JMJD1C: variants seen among roughly 807,000 people sequenced by gnomAD.
JMJD1C encodes the protein jumonji domain containing 1C.
In JMJD1C, 31 loss-of-function variants were observed where a neutral mutation model predicts 245.3. The ratio of observed to expected loss-of-function variants is 0.13; its 90% CI spans 0.09 to 0.17. JMJD1C has a LOEUF of 0.17. Among genes scored for constraint, JMJD1C ranks in the 10% least tolerant of loss-of-function variants. JMJD1C has a pLI of 1.00. For missense variants in JMJD1C, 2,691 were observed against 3,000.2 expected (o/e 0.90, Z 2.41); for synonymous variants, 1,057 against 1,017.4 (o/e 1.04, Z -0.74).
chr10:63,395,306 G>A (rs1295511839), intron 1 of JMJD1C, among the ~76,000 whole-genome samples: 2 of 152,128 alleles, frequency 1.3e-5, no homozygotes, highest in East Asian at 1.9e-4. Context: ...GTGAAACCCC[G>A]TCTCTACTAA....
chr10:63,463,355 C>A (rs1193329169), intron 1 of JMJD1C, among the ~76,000 whole-genome samples: 1 of 152,054 alleles, frequency 6.6e-6, no homozygotes, highest in Non-Finnish European at 1.5e-5. Flanking sequence ...TTTGTAGGGA[C>A]AGGGTTTCGC....
At chr10:63,243,887 T>A (rs1434486547) in intron 3 of JMJD1C, among the ~76,000 whole-genome samples, 1 of 152,100 alleles carries the variant, frequency 6.6e-6, no homozygotes, top group Non-Finnish European at 1.5e-5. Flanking sequence ...GAATCTCACT[T>A]TCTATCTGCA....
In JMJD1C at chr10:63,215,292, T is replaced by C; in HGVS notation, c.986A>G (p.Glu329Gly). Reference sequence around the variant, plus strand: ...TCGTGATATATAATCATATTTTTCCTCCTTCATCTTCTCTTCATCTGGTAT... The same window carrying C: ...TCGTGATATATAATCATATTTTTCCCCCTTCATCTTCTCTTCATCTGGTAT... ...SSIPDEEKMK[E>G]EKYDYISRGE... The change falls in exon 7 of 26, where the codon GAG (glutamate) becomes GGG (glycine). Residue 329 changes from glutamate (E) to glycine (G), a missense_variant. Glu to Gly is a moderately conservative substitution (Grantham distance 98). This residue lies in a region of JMJD1C where 1,562 missense variants were observed against 1,490.7 expected (regional missense o/e 1.05). Transcript: ENST00000399262. 6.2e-7 allele frequency: 1 copy of C among 1,613,954 alleles called. No homozygotes were observed. The highest frequency in any genetic ancestry group is 8.5e-7 in the Non-Finnish European group (1 of 1,179,932).
chr10:63,467,438 C>T (rs1329470374), upstream of JMJD1C, among the ~76,000 whole-genome samples: 1 of 152,118 alleles, frequency 6.6e-6, no homozygotes, highest in Non-Finnish European at 1.5e-5. Context: ...AACCTGGGAG[C>T]TGGAGGTTGC....
intron 1 of JMJD1C, among the ~76,000 whole-genome samples, chr10:63,424,994 C>T (rs1056417896): frequency 6.6e-5 from 10 of 152,306 alleles, no homozygotes; most frequent in African/African-American, 1.9e-4. Context: ...CGCTCACCAA[C>T]TTACCAGCTT....
chr10:63,428,028 A>G, intron 1 of JMJD1C: 1 of 612,718 alleles, frequency 1.6e-6, no homozygotes, highest in South Asian at 1.8e-5. Context: ...CTTTATCATT[A>G]AAAATCAATT....
intron 2 of JMJD1C, among the ~76,000 whole-genome samples, chr10:63,333,537 A>C (rs1942385720): frequency 6.6e-6 from 1 of 152,200 alleles, no homozygotes; most frequent in Non-Finnish European, 1.5e-5. Flanking sequence ...TATCTCAAAA[A>C]AAAGAAAAAA....
At chr10:63,299,358 T>TTG (rs1209147212) in intron 2 of JMJD1C, among the ~76,000 whole-genome samples, 1 of 24,532 alleles carries the variant, frequency 4.1e-5, no homozygotes, top group Non-Finnish European at 8.6e-5. Flanking sequence ...AATTTTTCCA[T>TTG]TTTTTTTTTT....
At chr10:63,220,500 T>G (rs1848474807) in intron 3 of JMJD1C, among the ~76,000 whole-genome samples, 1 of 152,204 alleles carries the variant, frequency 6.6e-6, no homozygotes, top group African/African-American at 2.4e-5. Context: ...GTAATTTTGC[T>G]GCTAAAAATT....
At chr10:63,205,207 A>G (rs1846452399) in intron 10 of JMJD1C, among the ~76,000 whole-genome samples, 1 of 152,240 alleles carries the variant, frequency 6.6e-6, no homozygotes. Context: ...CGAAATGAAT[A>G]CACAAAACCA....
intron 2 of JMJD1C, among the ~76,000 whole-genome samples, chr10:63,367,346 G>A (rs563589981): frequency 5.9e-5 from 9 of 152,070 alleles, no homozygotes; most frequent in African/African-American, 2.2e-4. Flanking sequence ...TTCCAGGTTC[G>A]AGCAATTCTC....
chr10:63,504,894 G>A (rs1014549563), intron 1 of JMJD1C, among the ~76,000 whole-genome samples: 2 of 152,150 alleles, frequency 1.3e-5, no homozygotes, highest in Non-Finnish European at 2.9e-5. Context: ...GGTGGCACAA[G>A]CCTGCAGTCC....
At position 63,207,004 on chromosome 10, in the gene JMJD1C, G is replaced by A. The variant is rs773232519; in HGVS notation, c.4665C>T (p.Leu1555=). The A allele has an allele frequency of 1.1e-5, 18 of 1,613,432 alleles. No homozygotes were observed. The highest frequency in any genetic ancestry group is 1.2e-5 in the Non-Finnish European group (14 of 1,179,882). ...NYHTKLKKAW[L]TRHSEEDKNT... ...TTTTATCTTCTTCTGAGTGTCTGGTGAGCCAGGCCTTTTTCAGTTTAGTAT... is the reference window on the plus strand; with the variant it reads ...TTTTATCTTCTTCTGAGTGTCTGGTAAGCCAGGCCTTTTTCAGTTTAGTAT... Residue 1555 remains leucine (L), a synonymous_variant, in exon 10 of 26, where the codon CTC becomes CTT. Coordinates refer to ENST00000399262, the MANE Select transcript of JMJD1C (RefSeq NM_032776.3).
chr10:63,207,062 C>A lies in JMJD1C; in HGVS notation c.4607G>T (p.Gly1536Val). 5 of 1,614,126 alleles carry A rather than the reference C, an allele frequency of 3.1e-6. No individual in the cohort carries two copies. Among genetic ancestry groups the A allele is most frequent in the Non-Finnish European group, 4.2e-6 (5 of 1,180,020 alleles). ...TGGTTGACTTGTCTGGGAAGCTTGC[C>A]CATTTCCTACAGAGTTTGCTTTGTT... ...TINKANSVGN[G>V]QASQTSQPNY... The change falls in exon 10 of 26, where the codon GGG becomes GTG. Residue 1536 changes from glycine (G) to valine (V), a missense_variant. Physicochemically the swap from Gly to Val is moderately radical, Grantham distance 109. This residue lies in a region of JMJD1C where 1,562 missense variants were observed against 1,490.7 expected (regional missense o/e 1.05). Coordinates refer to ENST00000399262, the MANE Select transcript of JMJD1C (RefSeq NM_032776.3).
chr10:63,214,550 A>G lies in JMJD1C; in HGVS notation c.1617T>C (p.Pro539=), dbSNP rs1192435231. ...FGLQTLQKMD[P]NVSDSKHSIA... is the part of the protein sequence containing the mutation. ...TAGAGTGTTTTGAATCACTAACATT[A>G]GGATCCATTTTCTGAAGTGTCTGAA... The change falls in exon 8 of 26, where the codon CCT becomes CCC. Residue 539 remains proline, a synonymous_variant. Transcript: ENST00000399262. 6.2e-7 allele frequency: 1 copy of G among 1,613,492 alleles called. No individual in the cohort carries two copies. The highest frequency in any genetic ancestry group is 8.5e-7 in the Non-Finnish European group (1 of 1,179,656).
chr10:63,168,089 A>G lies in JMJD1C; in HGVS notation c.7579T>C (p.Leu2527=). ...TCTACTTCATCCTCGTGTATCTTCA[A>G]GGCTCTCACCATTTCTTTGACTGCA... ...YHAVKEMVRA[L]KIHEDEVEDM... The change falls in exon 26 of 26, where the codon TTG becomes CTG. Residue 2527 remains leucine (L), a synonymous_variant. Coordinates refer to ENST00000399262, the MANE Select transcript of JMJD1C (RefSeq NM_032776.3). 1.2e-6 allele frequency: 2 copies of G among 1,606,934 alleles called. No homozygotes were observed. The highest frequency in any genetic ancestry group is 1.7e-6 in the Non-Finnish European group (2 of 1,174,154).
chr10:63,251,694 G>A (rs1656037076), intron 3 of JMJD1C, among the ~76,000 whole-genome samples: 1 of 152,176 alleles, frequency 6.6e-6, no homozygotes, highest in Admixed American at 6.5e-5. Flanking sequence ...AAAGCACCTG[G>A]TATGCCACAT....
At position 63,206,899 on chromosome 10, in the gene JMJD1C, T is replaced by C; in HGVS notation, c.4770A>G (p.Thr1590=). The change falls in exon 10 of 26, where the codon ACA becomes ACG. Residue 1590 remains threonine (T), a synonymous_variant. Transcript: ENST00000399262. ...CTACACTATTTTGTATATCACTAGA[T>C]GTAGAGGCTATTAAGTTGACAGAAC... The part of the protein sequence containing the change: ...KPCSVNLIAS[T]SSDIQNSVDS... 2 of 1,609,876 alleles carry C rather than the reference T, an allele frequency of 1.2e-6. No individual in the cohort carries two copies. Among genetic ancestry groups the C allele is most frequent in the East Asian group, 2.2e-5 (1 of 44,860 alleles).
intron 3 of JMJD1C, among the ~76,000 whole-genome samples, chr10:63,246,542 A>G (rs1852226588): frequency 6.6e-6 from 1 of 152,182 alleles, no homozygotes; most frequent in East Asian, 1.9e-4. Context: ...AAGAAACAAA[A>G]CCTGAGAGAA....
Sources: allele counts gnomAD v4.1 joint callset (sites outside exome capture counted in the v4.1 genomes callset), GRCh38; gene constraint gnomAD v4.1.1; regional missense constraint gnomAD v4.1.1; transcripts MANE v1.5; gene names NCBI Gene and HGNC (gene_info 2026-07-23, HGNC 2026-07-21).